Variants in NKAIN3 observed in about 807,000 individuals in gnomAD.
NKAIN3 encodes sodium/potassium transporting ATPase interacting 3, also known as sodium/potassium-transporting ATPase subunit beta-1-interacting protein 3.
In NKAIN3, 25 loss-of-function variants were observed where a neutral mutation model predicts 30.2. The observed-to-expected ratio is 0.83, with a 90% CI of 0.60 to 1.16. NKAIN3 has a LOEUF of 1.16. Ranked by LOEUF, NKAIN3 falls within the 50% of genes most tolerant of loss-of-function variation. NKAIN3 has a pLI of 0.00. For synonymous variants in NKAIN3, 91 were observed against 89.6 expected (o/e 1.02, Z -0.09); for missense variants, 225 against 254.1 (o/e 0.89, Z 0.78).
chr8:62,463,666 C>T (rs1221540638), intron 1 of NKAIN3, among the ~76,000 whole-genome samples: 2 of 152,102 alleles, frequency 1.3e-5, no homozygotes, highest in African/African-American at 2.4e-5. Flanking sequence ...TTGTATATAT[C>T]GTAGTCTTCT....
At chr8:62,645,539 A>G (rs567855456) in intron 3 of NKAIN3, among the ~76,000 whole-genome samples, 1 of 152,302 alleles carries the variant, frequency 6.6e-6, no homozygotes, top group East Asian at 1.9e-4. Context: ...CTGTACAACA[A>G]CCACAAACTA....
At chr8:62,824,426 C>T (rs866060328) in intron 4 of NKAIN3, among the ~76,000 whole-genome samples, 6 of 151,928 alleles carry the variant, frequency 3.9e-5, no homozygotes, top group Middle Eastern at 3.4e-3. Flanking sequence ...TCTGCTGGGT[C>T]TTGGCAACAT....
At chr8:62,531,105 G>A (rs1005075110) in intron 1 of NKAIN3, among the ~76,000 whole-genome samples, 3 of 152,078 alleles carry the variant, frequency 2.0e-5, no homozygotes, top group African/African-American at 7.2e-5. Flanking sequence ...AGTTCAGAGA[G>A]CCACAGTCGG....
At chr8:62,897,301 T>C (rs1412515887) in intron 4 of NKAIN3, among the ~76,000 whole-genome samples, 1 of 152,184 alleles carries the variant, frequency 6.6e-6, no homozygotes, top group Non-Finnish European at 1.5e-5. Context: ...TTTTATTACA[T>C]TGAGGACTTT....
In NKAIN3 at chr8:62,853,134, G is replaced by T. The variant is rs549347714; in HGVS notation, c.472-65319G>T. On this transcript the variant is annotated intron_variant, in intron 4 of 6. Transcript: ENST00000623646. ...AAGGACTTGCTTTATGAATCTGGGT[G>T]CTCCTGTATTTGGTGCATATATATG... is the stretch of plus-strand genomic sequence containing the variant. Among the ~76,000 whole-genome samples, 195 of 152,256 alleles carry T rather than the reference G, an allele frequency of 1.3e-3. 1 individual carries two copies. Among genetic ancestry groups the T allele is most frequent in the Non-Finnish European group, 2.1e-3 (145 of 68,008 alleles).
In NKAIN3 at chr8:62,345,850, G is replaced by A. The variant is rs1339914011; in HGVS notation, c.54+96723G>A. Among the ~76,000 whole-genome samples the A allele has an allele frequency of 2.0e-5, 3 of 151,848 alleles. No individual in the cohort carries two copies. The East Asian group carries it at 5.8e-4, about 29-fold the overall frequency. On this transcript the variant is annotated intron_variant, in intron 1 of 6. Transcript: ENST00000623646. Reference sequence around the variant, plus strand: ...TATGTGTGTGTGTGTATGTGTGTATGTTTTCCTGCATACATACACAATGGA... The same window carrying A: ...TATGTGTGTGTGTGTATGTGTGTATATTTTCCTGCATACATACACAATGGA...
intron 4 of NKAIN3, among the ~76,000 whole-genome samples, chr8:62,755,968 T>C (rs951356282): frequency 2.6e-5 from 4 of 152,212 alleles, no homozygotes; most frequent in African/African-American, 4.8e-5. Context: ...AGTCAAATTG[T>C]TGGGGCCTGG....
intron 4 of NKAIN3, among the ~76,000 whole-genome samples, chr8:62,841,932 C>T (rs897332932): frequency 6.6e-6 from 1 of 152,118 alleles, no homozygotes; most frequent in African/African-American, 2.4e-5. Context: ...CAATAGTGTA[C>T]AAGCATTCCC....
chr8:62,482,749 GC>G (rs1200158075), intron 1 of NKAIN3: 1 of 152,180 alleles, frequency 6.6e-6, no homozygotes, highest in Non-Finnish European at 1.5e-5. Flanking sequence ...GCAGGGGCCG[GC>G]CGTGCTAGAG....
chr8:62,249,144 C>CCCCTGCCCCAGGACAGGT lies in NKAIN3; in HGVS notation c.54+24_54+41dup. On this transcript the variant is annotated intron_variant, in intron 1 of 6. Coordinates refer to ENST00000623646, the MANE Select transcript of NKAIN3 (RefSeq NM_001304533.3). ...CTGCAGTTGGTGAGTGCCCCGAGGGCCCCTGCCCCAGGACAGGTCCCTGCT... is the reference window on the plus strand; with the variant it reads ...CTGCAGTTGGTGAGTGCCCCGAGGGCCCCTGCCCCAGGACAGGTCCCTGCCCCAGGACAGGTCCCTGCT... 6.5e-7 allele frequency: 1 copy of CCCCTGCCCCAGGACAGGT among 1,528,662 alleles called. No individual in the cohort carries two copies. The highest frequency in any genetic ancestry group is 8.8e-7 in the Non-Finnish European group (1 of 1,139,532). The allele number at this position is 1,528,662 out of a possible 1,614,324, so 94.7% of individuals were successfully genotyped here.
chr8:62,658,959 A>G (rs772661940), intron 3 of NKAIN3, among the ~76,000 whole-genome samples: 1 of 152,100 alleles, frequency 6.6e-6, no homozygotes, highest in Non-Finnish European at 1.5e-5. Flanking sequence ...AGGAGAAAAG[A>G]GTGACAAAAA....
chr8:62,471,709 C>T (rs1316311730), intron 1 of NKAIN3, among the ~76,000 whole-genome samples: 1 of 152,118 alleles, frequency 6.6e-6, no homozygotes, highest in Non-Finnish European at 1.5e-5. Context: ...AATCCCAGAA[C>T]TTGGGGAGGC....
intron 4 of NKAIN3, among the ~76,000 whole-genome samples, chr8:62,840,248 A>C (rs988163761): frequency 6.6e-6 from 1 of 152,064 alleles, no homozygotes; most frequent in Non-Finnish European, 1.5e-5. Context: ...AAGGATATTG[A>C]CTTATTTAGT....
intron 1 of NKAIN3, among the ~76,000 whole-genome samples, chr8:62,390,358 C>T (rs1817554491): frequency 6.6e-6 from 1 of 152,134 alleles, no homozygotes; most frequent in African/African-American, 2.4e-5. Context: ...CAACCATGTT[C>T]CTGCAAAGGA....
chr8:62,956,241 C>T (rs558543139), intron 6 of NKAIN3, among the ~76,000 whole-genome samples: 1 of 152,196 alleles, frequency 6.6e-6, no homozygotes, highest in Non-Finnish European at 1.5e-5. Context: ...AAAAAGCCAA[C>T]CTTCTGTGCG....
intron 4 of NKAIN3, among the ~76,000 whole-genome samples, chr8:62,879,779 C>T (rs886565264): frequency 1.3e-5 from 2 of 152,140 alleles, no homozygotes; most frequent in African/African-American, 4.8e-5. Context: ...AATCCATCCC[C>T]CAGAGAATTG....
chr8:62,431,621 T>C (rs1805000041), intron 1 of NKAIN3, among the ~76,000 whole-genome samples: 1 of 151,934 alleles, frequency 6.6e-6, no homozygotes. Flanking sequence ...ATCTTTGTGT[T>C]TGTTCTTGCC....
chr8:62,766,252 C>T (rs2130627105), intron 4 of NKAIN3, among the ~76,000 whole-genome samples: 1 of 152,238 alleles, frequency 6.6e-6, no homozygotes, highest in Middle Eastern at 3.4e-3. Context: ...GTAATAACTA[C>T]TTTATTAACT....
chr8:62,869,617 A>T (rs1008307578), intron 4 of NKAIN3, among the ~76,000 whole-genome samples: 12 of 152,142 alleles, frequency 7.9e-5, no homozygotes, highest in African/African-American at 2.9e-4. Context: ...GGCTAAAACA[A>T]AGCAGGCAGA....
Sources: gnomAD v4.1 joint callset for allele counts (sites outside exome capture counted in the v4.1 genomes callset) on GRCh38, gnomAD v4.1.1 for gene constraint, MANE v1.5 for transcripts, NCBI Gene and HGNC (gene_info 2026-07-23, HGNC 2026-07-21) for gene names.